Variants in SLIT3 observed in about 807,000 individuals in gnomAD.
SLIT3 encodes slit guidance ligand 3, also known as slit homolog 3 protein.
In SLIT3, 68 loss-of-function variants were observed where a neutral mutation model predicts 184.0. That is an observed-to-expected ratio of 0.37 (90% CI 0.30 to 0.45). SLIT3 has a LOEUF of 0.45. Among genes scored for constraint, SLIT3 ranks in the 20% least tolerant of loss-of-function variants. SLIT3 has a pLI of 1.00. For missense variants in SLIT3, 1,707 were observed against 2,026.0 expected (o/e 0.84, Z 3.02); for synonymous variants, 831 against 828.6 (o/e 1.00, Z -0.05).
chr5:168,839,807 T>C (rs1171543146), intron 6 of SLIT3, among the ~76,000 whole-genome samples: 3 of 152,172 alleles, frequency 2.0e-5, no homozygotes, highest in African/African-American at 4.8e-5. Flanking sequence ...TTCTGAACAA[T>C]TGCATATAGG....
Position 168,748,395 on chromosome 5 carries a change from GGGCA to G in SLIT3, c.2173_2176del (p.Cys725ArgfsTer29). 1 of 1,521,570 alleles carries G rather than the reference GGGCA, an allele frequency of 6.6e-7. No individual in the cohort carries two copies. The highest frequency in any genetic ancestry group is 8.7e-7 in the Non-Finnish European group (1 of 1,146,420). The allele number at this position is 1,521,570 out of a possible 1,614,324, so 94.3% of individuals were successfully genotyped here. On this transcript the variant is annotated frameshift_variant, in exon 20 of 36. Coordinates refer to ENST00000519560, the MANE Select transcript of SLIT3 (RefSeq NM_003062.4). LOFTEE classifies it high-confidence loss of function. Reference sequence around the variant, plus strand: ...TGTCTCCATACAGGTGCACTGCTCCGGGCAGCGCGGGCTCAGCTGGCAGCTACTC... The same window carrying G: ...TGTCTCCATACAGGTGCACTGCTCCGGCGCGGGCTCAGCTGGCAGCTACTC...
intron 4 of SLIT3, among the ~76,000 whole-genome samples, chr5:169,057,303 C>G (rs1011209936): frequency 6.6e-6 from 1 of 152,146 alleles, no homozygotes; most frequent in African/African-American, 2.4e-5. Context: ...TGTCCAGTTC[C>G]CCCACAACCC....
intron 4 of SLIT3, among the ~76,000 whole-genome samples, chr5:168,897,646 G>GCGCGCGCGCGCGCGCGCACACACA: frequency 2.0e-4 from 21 of 105,442 alleles, no homozygotes; most frequent in Non-Finnish European, 2.9e-4. Context: ...ACAGGTGCAC[G>GCGCGCGCGCGCGCGCGCACACACA]TACACACACA....
chr5:168,843,340 T>C (rs572174733), intron 6 of SLIT3, among the ~76,000 whole-genome samples: 21 of 152,184 alleles, frequency 1.4e-4, no homozygotes, highest in African/African-American at 4.8e-4. Flanking sequence ...TACAAAGGAA[T>C]GCTTCAAAAT....
intron 4 of SLIT3, among the ~76,000 whole-genome samples, chr5:169,045,774 A>G (rs1360536774): frequency 1.3e-5 from 2 of 152,134 alleles, no homozygotes; most frequent in Admixed American, 6.5e-5. Context: ...AATTAAGAAG[A>G]GTTTGTGGCC....
chr5:168,773,366 C>T (rs1419129652), intron 13 of SLIT3, among the ~76,000 whole-genome samples: 1 of 152,158 alleles, frequency 6.6e-6, no homozygotes, highest in Non-Finnish European at 1.5e-5. Flanking sequence ...GTGGGTGTTC[C>T]ATATATAGTA....
Position 168,666,109 on chromosome 5 carries a change from T to C in SLIT3, c.*345A>G, listed in dbSNP as rs1761030083. 1 of 172,704 alleles carries C rather than the reference T, an allele frequency of 5.8e-6. No individual in the cohort carries two copies. Among genetic ancestry groups the C allele is most frequent in the African/African-American group, 2.4e-5 (1 of 42,348 alleles). 10.7% of individuals were successfully genotyped at this position (172,704 alleles called of 1,614,324 possible). On this transcript the variant is annotated 3_prime_UTR_variant, in exon 36 of 36. Coordinates refer to ENST00000519560, the MANE Select transcript of SLIT3 (RefSeq NM_003062.4). Reference sequence around the variant, plus strand: ...ATCATTCTTTATTCTTATCCTTTTGTTTTAAAGCATTTTTATTAGTCTATT... The same window carrying C: ...ATCATTCTTTATTCTTATCCTTTTGCTTTAAAGCATTTTTATTAGTCTATT...
At chr5:169,071,530 T>G (rs1405112996) in intron 4 of SLIT3, among the ~76,000 whole-genome samples, 3 of 152,162 alleles carry the variant, frequency 2.0e-5, no homozygotes, top group African/African-American at 7.2e-5. Flanking sequence ...AAAAATGTAT[T>G]ATGAGAGCTT....
intron 4 of SLIT3, among the ~76,000 whole-genome samples, chr5:169,011,834 TAA>T: frequency 6.6e-6 from 1 of 152,162 alleles, no homozygotes; most frequent in East Asian, 1.9e-4. Flanking sequence ...TTGTAGGAAA[TAA>T]AGAGTATGAT....
At chr5:168,670,076 A>G in intron 34 of SLIT3, 85 bp from the exon 35 acceptor site, 1 of 1,146,414 alleles carries the variant, frequency 8.7e-7, no homozygotes, top group Non-Finnish European at 1.3e-6. Context: ...GCCAGGGACC[A>G]GGGGACCCGG....
intron 6 of SLIT3, among the ~76,000 whole-genome samples, chr5:168,834,042 G>A (rs1757963755): frequency 6.6e-6 from 1 of 152,212 alleles, no homozygotes; most frequent in South Asian, 2.1e-4. Context: ...GTCACAACTA[G>A]CCCCCAGTGT....
rs183129291 is a variant in SLIT3 at position 168,953,327 on chromosome 5, G to A, written c.414-69991C>T. Among the ~76,000 whole-genome samples the A allele has an allele frequency of 8.1e-4, 124 of 152,270 alleles. 1 individual carries two copies. The highest frequency in any genetic ancestry group is 3.4e-3 in the Middle Eastern group (1 of 294). ...TTACTATGCCCATCTCATCAGTGCC[G>A]TTGTGAGGATTCAAAGAAATAGGAA... On this transcript the variant is annotated intron_variant, in intron 4 of 35. Coordinates refer to ENST00000519560, the MANE Select transcript of SLIT3 (RefSeq NM_003062.4).
At chr5:169,066,471 A>G (rs1758352103) in intron 4 of SLIT3, among the ~76,000 whole-genome samples, 1 of 152,234 alleles carries the variant, frequency 6.6e-6, no homozygotes, top group South Asian at 2.1e-4. Flanking sequence ...AAAAAGTGCA[A>G]ATTAAATCAA....
chr5:168,678,339 A>G (rs1761475639), intron 32 of SLIT3, among the ~76,000 whole-genome samples: 1 of 152,096 alleles, frequency 6.6e-6, no homozygotes, highest in South Asian at 2.1e-4. Flanking sequence ...CTTAAAAAAT[A>G]AAAAAATAAA....
At chr5:168,877,439 C>T (rs879797712) in intron 5 of SLIT3, among the ~76,000 whole-genome samples, 7 of 152,184 alleles carry the variant, frequency 4.6e-5, no homozygotes, top group African/African-American at 7.2e-5. Context: ...ACCCAGTTCA[C>T]GTACAGCCTT....
chr5:168,907,627 CATTT>C (rs1761094868), intron 4 of SLIT3, among the ~76,000 whole-genome samples: 2 of 152,006 alleles, frequency 1.3e-5, no homozygotes. Context: ...TAAAGAAATG[CATTT>C]ATTATTTCCT....
In SLIT3 at chr5:168,753,890, G is replaced by C; in HGVS notation, c.1803C>G (p.Phe601Leu). ...NQLETVHGRV[F>L]RGLSGLKTLM... is the part of the protein sequence containing the mutation. Reference sequence around the variant, plus strand: ...AGGTTTTGAGGCCACTGAGGCCACGGAACACGCGCCCGTGCACGGTCTCCA... The same window carrying C: ...AGGTTTTGAGGCCACTGAGGCCACGCAACACGCGCCCGTGCACGGTCTCCA... The change falls in exon 17 of 36, where the codon TTC becomes TTG. Residue 601 changes from phenylalanine (F) to leucine (L), a missense_variant. By Grantham distance (22) the Phe-to-Leu change is conservative. This residue lies in a region of SLIT3 where 1,307 missense variants were observed against 1,511.6 expected (regional missense o/e 0.86). Transcript: ENST00000519560. 1 of 1,611,632 alleles carries C rather than the reference G, an allele frequency of 6.2e-7. No individual in the cohort carries two copies. Among genetic ancestry groups the C allele is most frequent in the Non-Finnish European group, 8.5e-7 (1 of 1,180,004 alleles).
intron 2 of SLIT3, among the ~76,000 whole-genome samples, chr5:169,251,152 C>CTT (rs1304039160): frequency 2.0e-5 from 3 of 152,246 alleles, no homozygotes; most frequent in Admixed American, 6.5e-5. Flanking sequence ...TAGCCTTCCA[C>CTT]TTTCCCTATC....
chr5:169,046,680 C>T (rs977768154), intron 4 of SLIT3, among the ~76,000 whole-genome samples: 2 of 152,170 alleles, frequency 1.3e-5, no homozygotes, highest in African/African-American at 4.8e-5. Context: ...CAACAGTGTC[C>T]CCCAGCCTAC....
Sources: allele counts gnomAD v4.1 joint callset (sites outside exome capture counted in the v4.1 genomes callset), GRCh38; gene constraint gnomAD v4.1.1; regional missense constraint gnomAD v4.1.1; transcripts MANE v1.5; gene names NCBI Gene and HGNC (gene_info 2026-07-23, HGNC 2026-07-21).